GLI3: variants seen among roughly 807,000 people sequenced by gnomAD.
The protein encoded by GLI3 is transcription activator GLI3.
A neutral mutation model predicts 100.8 loss-of-function variants in GLI3; 20 were observed. The ratio of observed to expected loss-of-function variants is 0.20; its 90% CI spans 0.14 to 0.29. The LOEUF (loss-of-function observed/expected upper bound fraction) is 0.29, where lower values mean the gene tolerates loss of function less well. GLI3 is among the 10% of genes least tolerant of loss of function. The probability of loss-of-function intolerance (pLI) is 1.00; values close to 1 mark genes in which losing one functional copy is unlikely to be tolerated. For missense variants in GLI3, 2,040 were observed against 2,128.5 expected (o/e 0.96, Z 0.82); for synonymous variants, 938 against 860.5 (o/e 1.09, Z -1.58).
intron 2 of GLI3, among the ~76,000 whole-genome samples, chr7:42,181,164 A>G (rs1332922759): frequency 6.6e-6 from 1 of 152,246 alleles, no homozygotes; most frequent in East Asian, 1.9e-4. Context: ...GCCAACTCCT[A>G]TAATCTAGAA....
intron 10 of GLI3, among the ~76,000 whole-genome samples, chr7:42,001,471 T>C (rs1032794375): frequency 1.6e-4 from 25 of 152,144 alleles, no homozygotes; most frequent in Non-Finnish European, 2.5e-4. Flanking sequence ...TTAACTCTAT[T>C]TATCCTAGCT....
chr7:42,177,988 C>T (rs117836006), intron 2 of GLI3, among the ~76,000 whole-genome samples: 2,446 of 152,314 alleles, frequency 0.016, 31 homozygotes, highest in Middle Eastern at 0.024. Flanking sequence ...AAAATGGCTT[C>T]GCCTTCATGG....
At chr7:41,975,894 T>A (rs190831516) in intron 12 of GLI3, among the ~76,000 whole-genome samples, 21 of 152,334 alleles carry the variant, frequency 1.4e-4, no homozygotes, top group African/African-American at 4.8e-4. Flanking sequence ...CTATGAAATA[T>A]ATGAAATACA....
chr7:42,086,089 T>C (rs924771418), intron 3 of GLI3, among the ~76,000 whole-genome samples: 1 of 152,202 alleles, frequency 6.6e-6, no homozygotes, highest in Non-Finnish European at 1.5e-5. Context: ...GTTTGCCCCA[T>C]AAATAGTAAT....
In GLI3 at chr7:42,261,423, CA is replaced by C. The variant is rs572162350; in HGVS notation, c.-43+2570del. ...TGAGAGCTGGGCAGGCTCAAATATC[CA>C]AACCAGATCACTCCTCATCCATCCA... On this transcript the variant is annotated intron_variant, in intron 1 of 2. Coordinates refer to the GLI3 transcript ENST00000678978. Among the ~76,000 whole-genome samples the C allele has an allele frequency of 3.8e-4, 50 of 130,450 alleles. 1 individual carries two copies. In the South Asian group the frequency reaches 0.014, roughly 35 times the overall value. 85.6% of individuals were successfully genotyped at this position (130,450 alleles called of 152,430 possible). A position where few individuals can be genotyped will look rare whatever the true frequency, so the allele number is the denominator to read the frequency against.
At chr7:41,967,230 T>A in intron 14 of GLI3, among the ~76,000 whole-genome samples, 1 of 152,192 alleles carries the variant, frequency 6.6e-6, no homozygotes, top group East Asian at 1.9e-4. Flanking sequence ...TTCCTTGAAC[T>A]GGGTAAATAT....
chr7:42,018,285 C>A (rs1436856526), intron 10 of GLI3, among the ~76,000 whole-genome samples: 1 of 152,120 alleles, frequency 6.6e-6, no homozygotes, highest in Non-Finnish European at 1.5e-5. Flanking sequence ...ATTAGAGTAA[C>A]CGAATTAACT....
At chr7:42,171,979 C>T (rs554964502) in intron 2 of GLI3, among the ~76,000 whole-genome samples, 59 of 152,012 alleles carry the variant, frequency 3.9e-4, no homozygotes, top group African/African-American at 1.4e-3. Flanking sequence ...CTCCAAAGGA[C>T]GGGGGTGGGG....
At chr7:41,994,750 T>C (rs1489643732) in intron 10 of GLI3, among the ~76,000 whole-genome samples, 2 of 152,248 alleles carry the variant, frequency 1.3e-5, no homozygotes, top group African/African-American at 4.8e-5. Flanking sequence ...ATGTTTTTAA[T>C]TTGGTACTTT....
At chr7:42,026,626 C>A (rs1789123040) in intron 7 of GLI3, among the ~76,000 whole-genome samples, 2 of 152,246 alleles carry the variant, frequency 1.3e-5, no homozygotes, top group South Asian at 2.1e-4. Flanking sequence ...TACACGCAGA[C>A]CTAAAACAAG....
chr7:42,182,662 A>ACATGTGTGTG (rs1554337071), intron 2 of GLI3, among the ~76,000 whole-genome samples: 8 of 76,742 alleles, frequency 1.0e-4, no homozygotes, highest in African/African-American at 5.3e-4. Flanking sequence ...ATATATATAT[A>ACATGTGTGTG]TATATATATA....
chr7:42,036,973 C>A (rs539094420), intron 7 of GLI3, among the ~76,000 whole-genome samples: 2 of 152,192 alleles, frequency 1.3e-5, no homozygotes, highest in African/African-American at 4.8e-5. Context: ...GAAACCCAGT[C>A]TCTACTAAAA....
intron 3 of GLI3, among the ~76,000 whole-genome samples, chr7:42,143,562 G>A (rs544974100): frequency 2.4e-4 from 37 of 152,252 alleles, no homozygotes; most frequent in Middle Eastern, 6.8e-3. Flanking sequence ...AAGACAGACA[G>A]GTAGAAAAAA....
chr7:42,083,239 C>T (rs1785033863), intron 3 of GLI3, among the ~76,000 whole-genome samples: 1 of 152,126 alleles, frequency 6.6e-6, no homozygotes, highest in Admixed American at 6.5e-5. Context: ...TATTCTCTAT[C>T]CCTCTGAGTT....
upstream of GLI3, among the ~76,000 whole-genome samples, chr7:42,239,868 C>A (rs1788906684): frequency 6.6e-6 from 1 of 152,198 alleles, no homozygotes; most frequent in Non-Finnish European, 1.5e-5. Context: ...AAAAAACCCA[C>A]TTTGCCTGAG....
At chr7:42,226,944 T>C (rs115964330) in intron 1 of GLI3, among the ~76,000 whole-genome samples, 1,901 of 152,222 alleles carry the variant, frequency 0.012, 38 homozygotes, top group African/African-American at 0.043. Context: ...GCATTCGGGA[T>C]AGAAGTGGTC....
At chr7:42,234,106 C>CTT (rs1788744463) in intron 1 of GLI3, among the ~76,000 whole-genome samples, 1 of 152,218 alleles carries the variant, frequency 6.6e-6, no homozygotes, top group South Asian at 2.1e-4. Flanking sequence ...CTACTATAGT[C>CTT]TAAAAGCATT....
At chr7:42,172,590 T>A (rs62443803) in intron 2 of GLI3, 1 of 702,798 alleles carries the variant, frequency 1.4e-6, no homozygotes, top group East Asian at 2.7e-5. Flanking sequence ...TCCAAGAGGA[T>A]CTGTGGCTGA....
At chr7:42,111,959 T>C (rs1333256029) in intron 3 of GLI3, among the ~76,000 whole-genome samples, 1 of 152,112 alleles carries the variant, frequency 6.6e-6, no homozygotes, top group South Asian at 2.1e-4. Context: ...TGTAAAGCCC[T>C]GGACATCCAG....
Sources: allele counts gnomAD v4.1 joint callset (sites outside exome capture counted in the v4.1 genomes callset), GRCh38; gene constraint gnomAD v4.1.1; transcripts MANE v1.5; gene names NCBI Gene and HGNC (gene_info 2026-07-23, HGNC 2026-07-21).